The following CASR variants were observed in gnomAD, a reference collection of about 807,000 sequenced individuals.
CASR encodes extracellular calcium-sensing receptor.
A neutral mutation model predicts 69.1 loss-of-function variants in CASR; 23 were observed. That is an observed-to-expected ratio of 0.33 (90% CI 0.24 to 0.47). The LOEUF (loss-of-function observed/expected upper bound fraction) is 0.47, where lower values mean the gene tolerates loss of function less well. CASR is among the 20% of genes least tolerant of loss of function. The probability of loss-of-function intolerance (pLI) is 1.00; values close to 1 mark genes in which losing one functional copy is unlikely to be tolerated. For missense variants in CASR, 924 were observed against 1,356.1 expected (o/e 0.68, Z 5.00); for synonymous variants, 541 against 544.7 (o/e 0.99, Z 0.10).
rs182187763 is a variant in CASR, at chr3:122,259,622, T to C, written c.493-1906T>C. Among the ~76,000 whole-genome samples, 1,295 of 135,664 alleles carry C rather than the reference T, an allele frequency of 9.5e-3. 8 individuals carry two copies. Among genetic ancestry groups the C allele is most frequent in the Non-Finnish European group, 0.014 (922 of 63,944 alleles). The allele number at this position is 135,664 out of a possible 152,430, so 89.0% of individuals were successfully genotyped here. ...CTATCCATCAATAAGAAGAAACACATTGGAAATTTTTTTTTTTTTTTTTTT... is the reference window on the plus strand; with the variant it reads ...CTATCCATCAATAAGAAGAAACACACTGGAAATTTTTTTTTTTTTTTTTTT... On this transcript the variant is annotated intron_variant, in intron 3 of 6. Transcript: ENST00000639785.
chr3:122,203,287 C>T (rs1200131338), intron 1 of CASR, among the ~76,000 whole-genome samples: 1 of 152,164 alleles, frequency 6.6e-6, no homozygotes, highest in Non-Finnish European at 1.5e-5. Context: ...ACAGGAGAGA[C>T]AGTCATGGGT....
chr3:122,277,952 A>G (rs2074841857), intron 5 of CASR, among the ~76,000 whole-genome samples: 1 of 152,228 alleles, frequency 6.6e-6, no homozygotes, highest in South Asian at 2.1e-4. Flanking sequence ...GTTAAATCTA[A>G]TTTTTTTCCA....
At chr3:122,206,252 G>T (rs2107591683) in intron 1 of CASR, among the ~76,000 whole-genome samples, 1 of 128,188 alleles carries the variant, frequency 7.8e-6, no homozygotes, top group East Asian at 1.9e-4. Flanking sequence ...ATCCTTCTAT[G>T]CCCAGTTTGA....
intron 1 of CASR, among the ~76,000 whole-genome samples, chr3:122,197,764 CA>C (rs1015113834): frequency 2.0e-5 from 3 of 152,054 alleles, no homozygotes; most frequent in Non-Finnish European, 2.9e-5. Context: ...CAGAGTGCCC[CA>C]TTCCTTCTTC....
chr3:122,270,537 T>C (rs1219653699), intron 4 of CASR, among the ~76,000 whole-genome samples: 1 of 152,180 alleles, frequency 6.6e-6, no homozygotes, highest in African/African-American at 2.4e-5. Context: ...TGTCTTCTGA[T>C]TTATTTCAGT....
intron 1 of CASR, chr3:122,184,421 A>G (rs905042148): frequency 6.6e-6 from 1 of 152,350 alleles, no homozygotes; most frequent in South Asian, 2.1e-4. Flanking sequence ...TGGCATAGGG[A>G]GCGGGGCTGC....
Position 122,257,288 on chromosome 3 carries a change from C to T in CASR, c.393C>T (p.Cys131=). ...TGAACCTTGATGAGTTCTGCAACTG[C>T]TCAGAGCACATTCCCTCTACGATTG... ...DSLNLDEFCN[C]SEHIPSTIAV... is the part of the protein sequence containing the mutation. The change falls in exon 3 of 7, where the codon TGC becomes TGT. Residue 131 remains cysteine (C), a synonymous_variant. Transcript: ENST00000639785. 1 of 1,614,104 alleles carries T rather than the reference C, an allele frequency of 6.2e-7. No homozygotes were observed. Among genetic ancestry groups the T allele is most frequent in the Non-Finnish European group, 8.5e-7 (1 of 1,179,948 alleles).
At chr3:122,277,639 G>A (rs2074838486) in intron 5 of CASR, among the ~76,000 whole-genome samples, 2 of 152,280 alleles carry the variant, frequency 1.3e-5, no homozygotes, top group Non-Finnish European at 1.5e-5. Flanking sequence ...TTATACCTTT[G>A]TCTAATTTAT....
At chr3:122,209,572 T>C (rs1282814593) in intron 1 of CASR, among the ~76,000 whole-genome samples, 1 of 152,144 alleles carries the variant, frequency 6.6e-6, no homozygotes, top group African/African-American at 2.4e-5. Flanking sequence ...ATGAGACTTA[T>C]TCACTGTCAC....
intron 1 of CASR, among the ~76,000 whole-genome samples, chr3:122,208,767 CCTCCAG>C (rs372362859): frequency 5.5e-4 from 84 of 152,282 alleles, no homozygotes; most frequent in Middle Eastern, 3.4e-3. Flanking sequence ...GGCTTCTTTC[CCTCCAG>C]CACTGAATGG....
chr3:122,261,377 CCTTT>C (rs34780067), intron 3 of CASR, 147 bp from the exon 4 acceptor site: 1 of 772,844 alleles, frequency 1.3e-6, no homozygotes, highest in African/African-American at 1.7e-5. Context: ...TTTTCCTTAC[CCTTT>C]CTTTCATCCT....
chr3:122,221,735 C>T (rs190239922), intron 1 of CASR, among the ~76,000 whole-genome samples: 25 of 152,266 alleles, frequency 1.6e-4, no homozygotes, highest in African/African-American at 4.3e-4. Context: ...TTAAATAATC[C>T]CCCCATCATT....
chr3:122,264,236 A>T (rs929611314), intron 4 of CASR, among the ~76,000 whole-genome samples: 12 of 152,196 alleles, frequency 7.9e-5, no homozygotes, highest in Admixed American at 5.2e-4. Flanking sequence ...GTCACTAAAA[A>T]TCTCAGAAGT....
At chr3:122,189,018 A>G (rs978778620) in intron 1 of CASR, among the ~76,000 whole-genome samples, 58 of 152,232 alleles carry the variant, frequency 3.8e-4, no homozygotes, top group African/African-American at 1.4e-3. Context: ...GGAAGTGCTG[A>G]TTAAGGGTGT....
chr3:122,276,729 C>T (rs2074826039), intron 5 of CASR, among the ~76,000 whole-genome samples: 1 of 152,224 alleles, frequency 6.6e-6, no homozygotes, highest in Non-Finnish European at 1.5e-5. Flanking sequence ...TCTCCTCCTC[C>T]AGGAGACCTG....
At chr3:122,194,423 G>C (rs1380975316) in intron 1 of CASR, among the ~76,000 whole-genome samples, 1 of 151,624 alleles carries the variant, frequency 6.6e-6, no homozygotes, top group African/African-American at 2.4e-5. Context: ...CTTCACCCCC[G>C]CACTTTCTAC....
rs2107651914 is a variant in CASR, at chr3:122,285,043, C to G, written c.3089C>G (p.Thr1030Arg). The G allele has an allele frequency of 6.2e-7, 1 of 1,614,220 alleles. No individual in the cohort carries two copies. The highest frequency in any genetic ancestry group is 8.5e-7 in the Non-Finnish European group (1 of 1,180,028). Residue 1030 changes from threonine (T) to arginine (R), a missense_variant, in exon 7 of 7, where the codon ACA (threonine) becomes AGA (arginine). Coordinates refer to ENST00000639785, the MANE Select transcript of CASR (RefSeq NM_000388.4). ...GACTTAGATCTGACCGTCCAGGAAACAGGTCTGCAAGGACCTGTGGGTGGA... is the reference window on the plus strand; with the variant it reads ...GACTTAGATCTGACCGTCCAGGAAAGAGGTCTGCAAGGACCTGTGGGTGGA... ...ETDLDLTVQE[T>R]GLQGPVGGDQ...
chr3:122,239,699 C>G (rs1355500390), intron 1 of CASR, among the ~76,000 whole-genome samples: 1 of 152,202 alleles, frequency 6.6e-6, no homozygotes, highest in African/African-American at 2.4e-5. Context: ...GCACCTCCAG[C>G]TCCAGGAACC....
intron 4 of CASR, among the ~76,000 whole-genome samples, chr3:122,267,546 TA>T (rs945303687): frequency 1.3e-5 from 2 of 151,102 alleles, no homozygotes; most frequent in Non-Finnish European, 3.0e-5. Flanking sequence ...GAATACTGAC[TA>T]AAAAAAAATA....
Sources: allele counts gnomAD v4.1 joint callset (sites outside exome capture counted in the v4.1 genomes callset), GRCh38; gene constraint gnomAD v4.1.1; transcripts MANE v1.5; gene names NCBI Gene and HGNC (gene_info 2026-07-23, HGNC 2026-07-21).